Variants in FSCN2 observed in about 807,000 individuals in gnomAD.
FSCN2 encodes the protein fascin-2.
FSCN2 carries 46 observed loss-of-function variants against 37.8 expected under a neutral mutation model. The observed-to-expected ratio is 1.22, with a 90% CI of 0.96 to 1.56. FSCN2 has a LOEUF of 1.56. Among genes scored for constraint, FSCN2 ranks in the 40% most tolerant of loss-of-function variants. The pLI is 0.00. For missense variants in FSCN2, 844 were observed against 730.4 expected, an observed-to-expected ratio of 1.16 and a Z score of -1.79; for synonymous variants, 351 against 309.4, an observed-to-expected ratio of 1.13 and a Z score of -1.41.
At chr17:81,535,365 TCCATCA>T (rs1472174110) in intron 2 of FSCN2, among the ~76,000 whole-genome samples, 157 bp downstream of exon 2, 1 of 109,788 alleles carries the variant, frequency 9.1e-6, no homozygotes, top group African/African-American at 4.3e-5. Context: ...CTCCACCATC[TCCATCA>T]CCATCATCGC....
rs1384450806 is a variant in FSCN2, at chr17:81,531,533, G to GAT, written c.826+2176_826+2177insAT. On this transcript the variant is annotated intron_variant, in intron 1 of 4. Transcript: ENST00000417245. The stretch of plus-strand genomic sequence containing the variant: ...TGATGGTGATGGTGGTGATGGCGAT[G>GAT]GTGGTGATGATGGTGATGGCGATGA... Among the ~76,000 whole-genome samples, 166 of 130,294 alleles carry GAT rather than the reference G, an allele frequency of 1.3e-3. 3 individuals carry two copies. Among genetic ancestry groups the GAT allele is most frequent in the African/African-American group, 4.6e-3 (152 of 33,282 alleles). 85.5% of individuals were successfully genotyped at this position (130,294 alleles called of 152,430 possible).
Position 81,537,095 on chromosome 17 carries a change from C to G in FSCN2, c.*15C>G, listed in dbSNP as rs1447193459. 1 of 1,404,880 alleles carries G rather than the reference C, an allele frequency of 7.1e-7. No individual in the cohort carries two copies. 87.0% of individuals were successfully genotyped at this position (1,404,880 alleles called of 1,614,324 possible). ...GGGAGTACTGAGGCCGCGCCCAGACCAGCCTGTCGCGCATTAAAACCGTGT... is the reference window on the plus strand; with the variant it reads ...GGGAGTACTGAGGCCGCGCCCAGACGAGCCTGTCGCGCATTAAAACCGTGT... On this transcript the variant is annotated 3_prime_UTR_variant, in exon 5 of 5. Transcript: ENST00000417245.
At chr17:81,531,822 ATGGTGGTGG>A (rs1158027952) in intron 1 of FSCN2, among the ~76,000 whole-genome samples, 2 of 112,258 alleles carry the variant, frequency 1.8e-5, no homozygotes, top group Non-Finnish European at 3.5e-5. Flanking sequence ...GGTGGTGGTG[ATGGTGGTGG>A]TGGTGATGGT....
chr17:81,517,254 A>C, the FSCN2 span, among the ~76,000 whole-genome samples: 1 of 151,454 alleles, frequency 6.6e-6, no homozygotes, highest in Non-Finnish European at 1.5e-5. Context: ...GGAACCAAGG[A>C]GGCCCCTGGA....
the FSCN2 span, among the ~76,000 whole-genome samples, chr17:81,516,267 T>C: frequency 1.3e-5 from 2 of 152,228 alleles, no homozygotes; most frequent in Non-Finnish European, 2.9e-5. Context: ...GGTTAATCTC[T>C]CAGTTATGGC....
the FSCN2 span, among the ~76,000 whole-genome samples, chr17:81,518,490 A>T: frequency 6.6e-6 from 1 of 152,102 alleles, no homozygotes. Context: ...GGGAGCGCAG[A>T]GGAAGGCTAG....
upstream of FSCN2, among the ~76,000 whole-genome samples, chr17:81,524,107 G>A (rs2032280089): frequency 6.6e-6 from 1 of 152,226 alleles, no homozygotes; most frequent in Non-Finnish European, 1.5e-5. Flanking sequence ...CAGCACCTCA[G>A]AAAGGGAACG....
At chr17:81,536,026 GGT>G in intron 2 of FSCN2, 118 bp from the exon 3 acceptor site, 20 of 1,235,378 alleles carry the variant, frequency 1.6e-5, no homozygotes, top group Non-Finnish European at 2.3e-5. Flanking sequence ...GATGGTGGTG[GGT>G]GTGTCAGTGG....
Position 81,537,057 on chromosome 17 carries a change from G to A in FSCN2, c.1456G>A (p.Gly486Arg), listed in dbSNP as rs1030790374. The change falls in exon 5 of 5, where the codon GGG (glycine) becomes AGG (arginine). Residue 486 changes from glycine to arginine, a missense_variant. By Grantham distance (125) the Gly-to-Arg change is moderately radical (BLOSUM62 -2). Coordinates refer to ENST00000417245, the MANE Select transcript of FSCN2 (RefSeq NM_012418.4). ...LLRADADAPA[G>R]TALWEY Reference sequence around the variant, plus strand: ...GCGGGCCGATGCCGACGCCCCGGCCGGGACCGCGCTTTGGGAGTACTGAGG... The same window carrying A: ...GCGGGCCGATGCCGACGCCCCGGCCAGGACCGCGCTTTGGGAGTACTGAGG... The A allele has an allele frequency of 8.9e-6, 13 of 1,464,440 alleles. No homozygotes were observed. The highest frequency in any genetic ancestry group is 3.0e-5 in the African/African-American group (2 of 67,596). 90.7% of individuals were successfully genotyped at this position (1,464,440 alleles called of 1,614,324 possible).
At chr17:81,520,613 GA>G in the FSCN2 span, among the ~76,000 whole-genome samples, 2 of 152,254 alleles carry the variant, frequency 1.3e-5, no homozygotes, top group Non-Finnish European at 2.9e-5. Context: ...GTGAGAGATG[GA>G]ATTTCAAGTT....
chr17:81,528,371 C>T (rs1028584274), upstream of FSCN2: 56 of 611,572 alleles, frequency 9.2e-5, no homozygotes, highest in South Asian at 6.1e-4. Flanking sequence ...GCTGCTGCCG[C>T]GGGTCAGAGG....
At chr17:81,528,175 AGG>A (rs2032411584), upstream of FSCN2, among the ~76,000 whole-genome samples, 1 of 152,134 alleles carries the variant, frequency 6.6e-6, no homozygotes, top group East Asian at 1.9e-4. Context: ...TATGAGGAAA[AGG>A]GGATCAACCC....
At chr17:81,536,297 C>G in intron 3 of FSCN2, 30 bp downstream of exon 3, 1 of 1,578,764 alleles carries the variant, frequency 6.3e-7, no homozygotes. Flanking sequence ...GGTACTGGGG[C>G]AGGGGCTGTC....
Position 81,536,774 on chromosome 17 carries a change from G to A in FSCN2, c.1258G>A (p.Ala420Thr), listed in dbSNP as rs776830932. ...CTTCCACCTGAGCTTCAGCGACGGC[G>A]CCTACCGGATCCGAGGTGCGTGGCG... ...DVFHLSFSDG[A>T]YRIRGRDGGF... is the part of the protein sequence containing the mutation. The change falls in exon 4 of 5, where the codon GCC (alanine) becomes ACC (threonine). Residue 420 changes from alanine (A) to threonine (T), a missense_variant. By Grantham distance (58) the Ala-to-Thr change is moderately conservative. Coordinates refer to ENST00000417245, the MANE Select transcript of FSCN2 (RefSeq NM_012418.4). The A allele has an allele frequency of 1.1e-5, 17 of 1,602,318 alleles. No homozygotes were observed. Among genetic ancestry groups the A allele is most frequent in the Non-Finnish European group, 1.3e-5 (15 of 1,174,348 alleles).
the FSCN2 span, among the ~76,000 whole-genome samples, chr17:81,521,259 G>T: frequency 5.3e-5 from 8 of 151,964 alleles, no homozygotes; most frequent in African/African-American, 1.9e-4. Flanking sequence ...GTAGAGACAG[G>T]GTTTCTCCAT....
rs1555670729 is a variant in FSCN2 at position 81,529,044 on chromosome 17, G to A, written c.513G>A (p.Val171=). The A allele has an allele frequency of 2.5e-6, 4 of 1,590,778 alleles. No individual in the cohort carries two copies. The highest frequency in any genetic ancestry group is 2.3e-5 in the South Asian group (2 of 88,052). The change falls in exon 1 of 5, where the codon GTG becomes GTA. Residue 171 remains valine (V), a synonymous_variant. Coordinates refer to ENST00000417245, the MANE Select transcript of FSCN2 (RefSeq NM_012418.4). ...CAGACGGAGACAAGCCCTGGGGCGT[G>A]GACGCCCTCCTCACCCTCATCTTCC... The part of the protein sequence containing the change: ...MAADGDKPWG[V]DALLTLIFRS...
upstream of FSCN2, chr17:81,523,951 G>T (rs965640607): frequency 6.6e-6 from 1 of 152,398 alleles, no homozygotes; most frequent in Non-Finnish European, 1.5e-5. Context: ...AGCAGACAGC[G>T]TGCCAGCAGG....
upstream of FSCN2, among the ~76,000 whole-genome samples, chr17:81,525,514 A>G (rs1489982567): frequency 2.0e-5 from 3 of 151,024 alleles, no homozygotes; most frequent in Non-Finnish European, 4.4e-5. Flanking sequence ...CAAGGTCAGG[A>G]GTTCGAGACC....
chr17:81,533,693 AG>A (rs2032767490), intron 1 of FSCN2, among the ~76,000 whole-genome samples: 1 of 152,186 alleles, frequency 6.6e-6, no homozygotes, highest in African/African-American at 2.4e-5. Context: ...GCCCCTCTGG[AG>A]GGGGGTAAAA....
Sources: allele counts gnomAD v4.1 joint callset (sites outside exome capture counted in the v4.1 genomes callset), GRCh38; gene constraint gnomAD v4.1.1; transcripts MANE v1.5; gene names NCBI Gene and HGNC (gene_info 2026-07-23, HGNC 2026-07-21).